Variants in ATP13A1 observed in about 807,000 individuals in gnomAD.
ATP13A1 encodes endoplasmic reticulum transmembrane helix translocase.
Under a neutral mutation model 134.8 loss-of-function variants are expected in ATP13A1, and 55 were observed. The ratio of observed to expected loss-of-function variants is 0.41; its 90% CI spans 0.33 to 0.51. The LOEUF is 0.51. Among genes scored for constraint, ATP13A1 ranks in the 20% least tolerant of loss-of-function variants. ATP13A1 has a pLI of 0.29. For missense variants in ATP13A1, 1,389 were observed against 1,652.8 expected, an observed-to-expected ratio of 0.84 and a Z score of 2.77; for synonymous variants, 775 against 725.1, an observed-to-expected ratio of 1.07 and a Z score of -1.10.
chr19:19,649,112 G>C (rs1170436107), intron 19 of ATP13A1, among the ~76,000 whole-genome samples: 2 of 151,472 alleles, frequency 1.3e-5, no homozygotes, highest in Non-Finnish European at 2.9e-5. Flanking sequence ...ACAGAGCAAG[G>C]CTCCGTCAAA....
At chr19:19,652,842 G>A (rs2062033385) in intron 15 of ATP13A1, 122 bp from the exon 16 acceptor site, 1 of 1,349,886 alleles carries the variant, frequency 7.4e-7, no homozygotes, top group Non-Finnish European at 9.9e-7. Context: ...TCCCGTAGTG[G>A]GCACATGCGA....
intron 15 of ATP13A1, 145 bp from the exon 16 acceptor site, chr19:19,652,865 G>T: frequency 8.3e-7 from 1 of 1,205,712 alleles, no homozygotes; most frequent in Non-Finnish European, 1.1e-6. Context: ...GTTGGGAGGG[G>T]AGAAATGCCA....
rs1004434918 is a variant in ATP13A1 at position 19,649,937 on chromosome 19, C to T, written c.2339G>A (p.Arg780Gln). The change falls in exon 18 of 26, where the codon CGG (arginine) becomes CAG (glutamine). Residue 780 changes from arginine (R) to glutamine (Q), a missense_variant. Around this residue, in one of 4 missense-constraint regions of ATP13A1, gnomAD observed 747 missense variants for 956.1 expected, o/e 0.78. Transcript: ENST00000357324. The part of the protein sequence containing the change: ...LILQPPSEKG[R>Q]QCEWRSIDGS... ...GTCAATGGAGCGCCACTCGCACTGCCGGCCTGCGGGCAGCACCTAGGGTTA... is the reference window on the plus strand; with the variant it reads ...GTCAATGGAGCGCCACTCGCACTGCTGGCCTGCGGGCAGCACCTAGGGTTA... 32 of 1,588,510 alleles carry T rather than the reference C, an allele frequency of 2.0e-5. No homozygotes were observed. Among genetic ancestry groups the T allele is most frequent in the Middle Eastern group, 2.2e-4 (1 of 4,648 alleles).
At position 19,653,737 on chromosome 19, in the gene ATP13A1, T is replaced by G; in HGVS notation, c.2100+47A>C. 1 of 1,478,688 alleles carries G rather than the reference T, an allele frequency of 6.8e-7. No individual in the cohort carries two copies. The highest frequency in any genetic ancestry group is 2.0e-5 in the Admixed American group (1 of 50,052). The allele number at this position is 1,478,688 out of a possible 1,614,324, so 91.6% of individuals were successfully genotyped here. A position where few individuals can be genotyped will look rare whatever the true frequency, so the allele number is the denominator to read the frequency against. ...CACAGGAGGTGACTCAGGGAGGAGC[T>G]GACGGGCCAGGCACATGGTGAAGGC... On this transcript the variant is annotated intron_variant, in intron 15 of 25. Coordinates refer to ENST00000357324, the MANE Select transcript of ATP13A1 (RefSeq NM_020410.3). The surrounding 1 kb of genome is among the most constrained non-coding windows in gnomAD (Gnocchi z 4.2).
rs753139783 is a variant in ATP13A1, at chr19:19,663,361, G to C, written c.306C>G (p.Leu102=). 2.5e-6 allele frequency: 4 copies of C among 1,591,216 alleles called. No individual in the cohort carries two copies. In the Admixed American group the frequency reaches 7.1e-5, roughly 28 times the overall value. The stretch of plus-strand genomic sequence containing the variant: ...GCGCGAGGCAGATGGTGGCAAGCAC[G>C]AGCAGCGCAGCTTCGGGGATCTGCA... ...SWVQIPEAAL[L]VLATICLAHA... The change falls in exon 1 of 26, where the codon CTC becomes CTG. Residue 102 remains leucine, a synonymous_variant. Coordinates refer to ENST00000357324, the MANE Select transcript of ATP13A1 (RefSeq NM_020410.3).
rs758092986 is a variant in ATP13A1, at chr19:19,647,344, G to A, written c.2909-19C>T. 2 of 1,610,550 alleles carry A rather than the reference G, an allele frequency of 1.2e-6. No individual in the cohort carries two copies. Among genetic ancestry groups the A allele is most frequent in the East Asian group, 2.2e-5 (1 of 44,820 alleles). ...TGGCAGACTGCAGGGTGGTGGGGAG[G>A]CAGGTGTGGGTGTGGGTAGGGGTGC... On this transcript the variant is annotated intron_variant, in intron 21 of 25. Transcript: ENST00000357324. This position sits in a 1 kb window ranked among gnomAD's most constrained non-coding sequence, Gnocchi z 4.8.
At chr19:19,648,101 C>T (rs1046704797) in intron 19 of ATP13A1, among the ~76,000 whole-genome samples, 4 of 152,086 alleles carry the variant, frequency 2.6e-5, no homozygotes, top group African/African-American at 7.2e-5. Context: ...GGCGGATCAC[C>T]TGAGGTCAGG....
intron 1 of ATP13A1, among the ~76,000 whole-genome samples, chr19:19,661,295 G>A (rs1029024236): frequency 3.3e-5 from 5 of 152,038 alleles, no homozygotes; most frequent in African/African-American, 7.2e-5. Flanking sequence ...CCCATCACAG[G>A]CCCCCGGCCT....
chr19:19,660,218 A>T (rs2062085754), intron 1 of ATP13A1, among the ~76,000 whole-genome samples: 1 of 152,184 alleles, frequency 6.6e-6, no homozygotes, highest in South Asian at 2.1e-4. Flanking sequence ...ACGGTGACTC[A>T]CACCCATAAT....
chr19:19,646,399 C>T, intron 22 of ATP13A1, 52 bp from the exon 23 acceptor site: 1 of 1,606,548 alleles, frequency 6.2e-7, no homozygotes, highest in Non-Finnish European at 8.5e-7. Flanking sequence ...CTTGGGGCCA[C>T]CCTGCCCACA....
Position 19,655,869 on chromosome 19 carries a change from G to A in ATP13A1, c.1269+9C>T, listed in dbSNP as rs770706063. On this transcript the variant is annotated intron_variant, in intron 9 of 25. Coordinates refer to ENST00000357324, the MANE Select transcript of ATP13A1 (RefSeq NM_020410.3). The surrounding 1 kb of genome is among the most constrained non-coding windows in gnomAD (Gnocchi z 5.7). Reference sequence around the variant, plus strand: ...CTGGGGCCCGCCCTCCCCAGACCTGGCCCCGCACCTGGGATGTGTTGAATC... The same window carrying A: ...CTGGGGCCCGCCCTCCCCAGACCTGACCCCGCACCTGGGATGTGTTGAATC... 8 of 1,577,710 alleles carry A rather than the reference G, an allele frequency of 5.1e-6. No homozygotes were observed. The South Asian group carries it at 9.2e-5, about 18-fold the overall frequency.
At chr19:19,650,148 G>C (rs1599429503) in intron 17 of ATP13A1, 2 of 598,576 alleles carry the variant, frequency 3.3e-6, no homozygotes, top group East Asian at 5.6e-5. Context: ...CCTGGGGCCT[G>C]AGCTACTTGC....
chr19:19,646,541 T>G, intron 22 of ATP13A1, 194 bp from the exon 23 acceptor site: 1 of 671,012 alleles, frequency 1.5e-6, no homozygotes, highest in Non-Finnish European at 2.5e-6. Flanking sequence ...CAGGGCTGCC[T>G]CCCTGGCCCC....
At chr19:19,658,401 G>C (rs538576692) in intron 3 of ATP13A1, among the ~76,000 whole-genome samples, 46 of 152,304 alleles carry the variant, frequency 3.0e-4, no homozygotes, top group Middle Eastern at 6.8e-3. Flanking sequence ...CCTTTGCGTT[G>C]AGTAAGAACA....
chr19:19,651,696 G>T lies in ATP13A1; in HGVS notation c.2328C>A (p.Ser776=). The part of the protein sequence containing the change: ...KAHTLILQPP[S]EKGRQCEWRS... Reference sequence around the variant, plus strand: ...GCCAGGCTAGGGCCTCACCTTTCTCGGAGGGAGGCTGCAGGATCAGCGTGT... The same window carrying T: ...GCCAGGCTAGGGCCTCACCTTTCTCTGAGGGAGGCTGCAGGATCAGCGTGT... The change falls in exon 17 of 26, where the codon TCC becomes TCA. Residue 776 remains serine (S), a synonymous_variant. Coordinates refer to ENST00000357324, the MANE Select transcript of ATP13A1 (RefSeq NM_020410.3). The T allele has an allele frequency of 1.9e-6, 3 of 1,611,188 alleles. No individual in the cohort carries two copies. The highest frequency in any genetic ancestry group is 8.5e-7 in the Non-Finnish European group (1 of 1,178,666).
At position 19,649,607 on chromosome 19, in the gene ATP13A1, A is replaced by G; in HGVS notation, c.2592T>C (p.Asp864=). ...ELGYVTLMCG[D]GTNDVGALKH... is the part of the protein sequence containing the mutation. Reference sequence around the variant, plus strand: ...TCAGGGCGCCCACGTCGTTGGTGCCATCCCCACACATGAGGGTCACGTAGC... The same window carrying G: ...TCAGGGCGCCCACGTCGTTGGTGCCGTCCCCACACATGAGGGTCACGTAGC... The change falls in exon 19 of 26, where the codon GAT becomes GAC. Residue 864 remains aspartate, a synonymous_variant. Transcript: ENST00000357324. 6.2e-7 allele frequency: 1 copy of G among 1,613,922 alleles called. No homozygotes were observed. Among genetic ancestry groups the G allele is most frequent in the Non-Finnish European group, 8.5e-7 (1 of 1,179,872 alleles).
At chr19:19,646,619 C>T in intron 22 of ATP13A1, 1 of 529,206 alleles carries the variant, frequency 1.9e-6, no homozygotes, top group Non-Finnish European at 3.4e-6. Context: ...ATCCTGCCCT[C>T]CCTGGAGCCC....
intron 2 of ATP13A1, 32 bp downstream of exon 2, chr19:19,659,866 C>T (rs766244292): frequency 1.9e-6 from 3 of 1,589,890 alleles, no homozygotes; most frequent in African/African-American, 1.3e-5. Flanking sequence ...TACTCAAGCC[C>T]CTCCTCCAGG....
chr19:19,657,611 A>G, intron 3 of ATP13A1, among the ~76,000 whole-genome samples: 1 of 152,214 alleles, frequency 6.6e-6, no homozygotes, highest in Non-Finnish European at 1.5e-5. Flanking sequence ...AGCCTGGGGT[A>G]GACATGCTGC....
Sources: allele counts gnomAD v4.1 joint callset (sites outside exome capture counted in the v4.1 genomes callset), GRCh38; gene constraint gnomAD v4.1.1; regional missense constraint gnomAD v4.1.1; non-coding constraint Gnocchi (gnomAD v3.1); transcripts MANE v1.5; gene names NCBI Gene and HGNC (gene_info 2026-07-23, HGNC 2026-07-21).